AK4: variants seen among roughly 807,000 people sequenced by gnomAD.
AK4 encodes adenylate kinase 4, mitochondrial.
AK4 carries 13 observed loss-of-function variants against 24.6 expected under a neutral mutation model. That is an observed-to-expected ratio of 0.53 (90% CI 0.34 to 0.84). The LOEUF is 0.84. Among genes scored for constraint, AK4 ranks in the 40% least tolerant of loss-of-function variants. AK4 has a pLI of 0.01. For synonymous variants in AK4, 88 were observed against 107.0 expected (o/e 0.82, Z 1.10); for missense variants, 192 against 288.2 (o/e 0.67, Z 2.42).
chr1:65,199,331 C>T (rs917935920), intron 2 of AK4, among the ~76,000 whole-genome samples: 25 of 151,860 alleles, frequency 1.6e-4, no homozygotes, highest in African/African-American at 5.3e-4. Flanking sequence ...GGGCGAGTCA[C>T]GAGGTCAGGA....
At chr1:65,167,085 T>C (rs1173700673) in intron 1 of AK4, among the ~76,000 whole-genome samples, 2 of 152,144 alleles carry the variant, frequency 1.3e-5, no homozygotes, top group Non-Finnish European at 2.9e-5. Flanking sequence ...TGAGCCAAGA[T>C]CACACCACTG....
intron 4 of AK4, 49 bp from the exon 5 acceptor site, chr1:65,226,014 G>C (rs564798376): frequency 1.9e-6 from 3 of 1,582,474 alleles, no homozygotes. Flanking sequence ...GCACTAATAC[G>C]TGGAAAAGAA....
At chr1:65,148,153 G>GGAGGAGGGC (rs1395102610), upstream of AK4, 3 of 696,078 alleles carry the variant, frequency 4.3e-6, no homozygotes, top group East Asian at 6.9e-5. Context: ...GCGAGGAGGT[G>GGAGGAGGGC]GAGGAGGGCG....
intron 1 of AK4, among the ~76,000 whole-genome samples, chr1:65,172,581 G>A (rs770997022): frequency 6.6e-6 from 1 of 152,030 alleles, no homozygotes; most frequent in Non-Finnish European, 1.5e-5. Flanking sequence ...TGGAAATCAG[G>A]GGCCTGATGC....
rs140815366 is a variant in AK4 at position 65,171,168 on chromosome 1, C to T, written c.146-19542C>T. Among the ~76,000 whole-genome samples, 1,424 of 145,722 alleles carry T rather than the reference C, an allele frequency of 9.8e-3. 29 individuals are homozygous for T. Among genetic ancestry groups the T allele is most frequent in the African/African-American group, 0.035 (1,370 of 38,706 alleles). On this transcript the variant is annotated intron_variant, in intron 1 of 4. Coordinates refer to ENST00000327299, the MANE Select transcript of AK4 (RefSeq NM_013410.4). ...TGCAGATAGGGTCTCACTATATTTCCCAGGCTGGTCTGGAAGTTCTGGGCT... is the reference window on the plus strand; with the variant it reads ...TGCAGATAGGGTCTCACTATATTTCTCAGGCTGGTCTGGAAGTTCTGGGCT...
At position 65,200,499 on chromosome 1, in the gene AK4, C is replaced by T. The variant is rs148796946; in HGVS notation, c.265+9670C>T. On this transcript the variant is annotated intron_variant, in intron 2 of 4. Transcript: ENST00000327299. ...TCAGTGGGGTTAAGTTATGAAGAGACATTTGGGTGACATGTGACCTGAAAT... is the reference window on the plus strand; with the variant it reads ...TCAGTGGGGTTAAGTTATGAAGAGATATTTGGGTGACATGTGACCTGAAAT... Among the ~76,000 whole-genome samples the T allele has an allele frequency of 6.5e-3, 994 of 152,302 alleles. 9 individuals are homozygous for T. Among genetic ancestry groups the T allele is most frequent in the Middle Eastern group, 0.027 (8 of 294 alleles).
At chr1:65,179,448 C>T (rs1454486737) in intron 1 of AK4, among the ~76,000 whole-genome samples, 1 of 152,162 alleles carries the variant, frequency 6.6e-6, no homozygotes, top group African/African-American at 2.4e-5. Flanking sequence ...GTTACTTAAT[C>T]TCTCTGTGTT....
chr1:65,171,823 T>G (rs944109898), intron 1 of AK4, among the ~76,000 whole-genome samples: 1 of 151,556 alleles, frequency 6.6e-6, no homozygotes, highest in African/African-American at 2.4e-5. Flanking sequence ...ATCCCAGCAC[T>G]TTGGGAGGCT....
intron 1 of AK4, 124 bp from the exon 2 acceptor site, chr1:65,190,586 T>C: frequency 8.7e-7 from 1 of 1,144,550 alleles, no homozygotes; most frequent in Non-Finnish European, 1.2e-6. Flanking sequence ...AAAACATGTC[T>C]ACAACTTCCT....
chr1:65,152,360 C>CTCTCTCTCTCTCTA (rs1277948363), intron 1 of AK4, among the ~76,000 whole-genome samples: 1 of 27,940 alleles, frequency 3.6e-5, no homozygotes, highest in African/African-American at 1.1e-4. Context: ...CTCTCTCTCT[C>CTCTCTCTCTCTCTA]TATATATATA....
chr1:65,194,407 T>G (rs1187994586), intron 2 of AK4, among the ~76,000 whole-genome samples: 1 of 152,322 alleles, frequency 6.6e-6, no homozygotes, highest in East Asian at 1.9e-4. Flanking sequence ...GTCTGAGATC[T>G]CATCAGAATG....
At position 65,155,935 on chromosome 1, in the gene AK4, G is replaced by C. The variant is rs140354868; in HGVS notation, c.145+7383G>C. ...TCTGCCCGCCTTGGCTTCCCAAAGT[G>C]CTGGGATTACAGGCATGAGCCACCT... On this transcript the variant is annotated intron_variant, in intron 1 of 4. Coordinates refer to ENST00000327299, the MANE Select transcript of AK4 (RefSeq NM_013410.4). 3.7e-3 allele frequency among the ~76,000 whole-genome samples: 564 copies of C among 152,232 alleles called. 4 individuals are homozygous for C. Among genetic ancestry groups the C allele is most frequent in the African/African-American group, 0.013 (542 of 41,548 alleles).
rs1651282514 is a variant in AK4, at chr1:65,190,825, T to C, written c.261T>C (p.Leu87=). The change falls in exon 2 of 5, where the codon CTT becomes CTC. Residue 87 remains leucine (L), a synonymous_variant. Transcript: ENST00000327299. ...ACAGGCGTGGCCAGCACTGGCTCCTTGATGGTGAGTTGAAACTGTGGGTAA... is the reference window on the plus strand; with the variant it reads ...ACAGGCGTGGCCAGCACTGGCTCCTCGATGGTGAGTTGAAACTGTGGGTAA... ...LENRRGQHWL[L]DGFPRTLGQA... is the part of the protein sequence containing the mutation. 1.2e-6 allele frequency: 2 copies of C among 1,613,626 alleles called. No individual in the cohort carries two copies. Among genetic ancestry groups the C allele is most frequent in the Non-Finnish European group, 8.5e-7 (1 of 1,179,882 alleles).
intron 2 of AK4, among the ~76,000 whole-genome samples, chr1:65,196,981 G>A (rs1356834709): frequency 6.6e-6 from 1 of 152,080 alleles, no homozygotes; most frequent in African/African-American, 2.4e-5. Flanking sequence ...AGCTTGGCAG[G>A]GAAACTCCCA....
chr1:65,210,364 C>T (rs2101070720), intron 2 of AK4, among the ~76,000 whole-genome samples: 1 of 152,166 alleles, frequency 6.6e-6, no homozygotes, highest in South Asian at 2.1e-4. Context: ...GAAGGTAAGC[C>T]ATCCTCCTGT....
At position 65,228,663 on chromosome 1, in the gene AK4, A is replaced by T. The variant is rs1652541717; in HGVS notation, c.*2486A>T. On this transcript the variant is annotated 3_prime_UTR_variant, in exon 5 of 5. Coordinates refer to ENST00000327299, the MANE Select transcript of AK4 (RefSeq NM_013410.4). ...CCTTAAATGATATTGTAAAAATTAA[A>T]GTAATCTTGAAAATGTTTTGACAAA... 6.6e-6 allele frequency: 1 copy of T among 152,140 alleles called. No individual in the cohort carries two copies. The highest frequency in any genetic ancestry group is 2.1e-4 in the South Asian group (1 of 4,834). The allele number at this position is 152,140 out of a possible 1,614,324, so 9.4% of individuals were successfully genotyped here.
chr1:65,156,214 G>C (rs1649979647), intron 1 of AK4, among the ~76,000 whole-genome samples: 1 of 152,168 alleles, frequency 6.6e-6, no homozygotes, highest in Non-Finnish European at 1.5e-5. Flanking sequence ...TAGGAATAGA[G>C]TGGAAAGTTT....
At chr1:65,168,907 G>A (rs1650419785) in intron 1 of AK4, among the ~76,000 whole-genome samples, 1 of 152,140 alleles carries the variant, frequency 6.6e-6, no homozygotes, top group Non-Finnish European at 1.5e-5. Context: ...AGGTGTAGTG[G>A]CCCATGGCTG....
intron 3 of AK4, among the ~76,000 whole-genome samples, chr1:65,222,795 A>G (rs1652336631): frequency 1.3e-5 from 2 of 152,204 alleles, no homozygotes; most frequent in Admixed American, 1.3e-4. Flanking sequence ...ATTTATAGCC[A>G]GTTTCTGATT....
Sources: allele counts gnomAD v4.1 joint callset (sites outside exome capture counted in the v4.1 genomes callset), GRCh38; gene constraint gnomAD v4.1.1; transcripts MANE v1.5; gene names NCBI Gene and HGNC (gene_info 2026-07-23, HGNC 2026-07-21).